Variants in STX1B observed in about 807,000 individuals in gnomAD.
STX1B encodes syntaxin 1B, also known as syntaxin-1B.
A neutral mutation model predicts 39.4 loss-of-function variants in STX1B; 7 were observed. That is an observed-to-expected ratio of 0.18 (90% CI 0.10 to 0.33). STX1B has a LOEUF of 0.33. Among genes scored for constraint, STX1B ranks in the 10% least tolerant of loss-of-function variants. STX1B has a pLI of 1.00. For missense variants in STX1B, 198 were observed against 383.2 expected, an observed-to-expected ratio of 0.52 and a Z score of 4.04; for synonymous variants, 136 against 144.1, an observed-to-expected ratio of 0.94 and a Z score of 0.40.
In STX1B at chr16:30,992,811, TGG is replaced by T. The variant is rs750392809; in HGVS notation, c.*8_*9del. 8.6e-7 allele frequency: 1 copy of T among 1,163,262 alleles called. No homozygotes were observed. The highest frequency in any genetic ancestry group is 1.1e-6 in the Non-Finnish European group (1 of 908,716). 72.1% of individuals were successfully genotyped at this position (1,163,262 alleles called of 1,614,324 possible). A position where few individuals can be genotyped will look rare whatever the true frequency, so the allele number is the denominator to read the frequency against. On this transcript the variant is annotated 3_prime_UTR_variant, in exon 10 of 10. Transcript: ENST00000215095. Reference sequence around the variant, plus strand: ...GGGAAGGGTCTGGGAGAGAGAAGGGTGGGGGGGGCCTACAAGCCCAGCGTCCC... The same window carrying T: ...GGGAAGGGTCTGGGAGAGAGAAGGGTGGGGGGCCTACAAGCCCAGCGTCCC...
At chr16:30,996,304 T>C (rs1200947961) in intron 7 of STX1B, 1 of 188,130 alleles carries the variant, frequency 5.3e-6, no homozygotes, top group East Asian at 1.4e-4. Flanking sequence ...GGCTCGAGAG[T>C]TCTGACTCTG....
At chr16:31,008,392 G>C (rs1305642747) in intron 1 of STX1B, among the ~76,000 whole-genome samples, 1 of 151,718 alleles carries the variant, frequency 6.6e-6, no homozygotes, top group African/African-American at 2.4e-5. Flanking sequence ...CATTCATGAG[G>C]CCTCCCCCTC....
chr16:30,993,391 G>T lies in STX1B; in HGVS notation c.631C>A (p.Leu211Met). 1 of 1,614,144 alleles carries T rather than the reference G, an allele frequency of 6.2e-7. No individual in the cohort carries two copies. Among genetic ancestry groups the T allele is most frequent in the East Asian group, 2.2e-5 (1 of 44,874 alleles). ...IIKLETSIRELHDMFVDMAML... is the reference protein window; with the variant it reads ...IIKLETSIREMHDMFVDMAML... The stretch of plus-strand genomic sequence containing the variant: ...GCCATGTCCACAAACATATCGTGCA[G>T]CTCGCGGATGCTGGTCTCCAGCTTG... Residue 211 changes from leucine (L) to methionine (M), a missense_variant, in exon 8 of 10, where the codon CTG becomes ATG. By Grantham distance (15) the Leu-to-Met change is conservative (BLOSUM62 2). Transcript: ENST00000215095.
chr16:30,997,539 T>G lies in STX1B; in HGVS notation c.317A>C (p.Asn106Thr), dbSNP rs750648693. 6.2e-7 allele frequency: 1 copy of G among 1,610,444 alleles called. No homozygotes were observed. Among genetic ancestry groups the G allele is most frequent in the Non-Finnish European group, 8.5e-7 (1 of 1,178,846 alleles). ...EQSIEQEEGL[N>T]RSSADLRIRK... ...GATGCGCAGGTCCGCGGAGGAACGG[T>G]TCAGCCCCTCCTCCTGTTCAATGCT... Residue 106 changes from asparagine (N) to threonine (T), a missense_variant, in exon 5 of 10, where the codon AAC becomes ACC. Coordinates refer to ENST00000215095, the MANE Select transcript of STX1B (RefSeq NM_052874.5).
chr16:31,006,207 G>C (rs562042124), intron 1 of STX1B, among the ~76,000 whole-genome samples: 1 of 152,054 alleles, frequency 6.6e-6, no homozygotes, highest in African/African-American at 2.4e-5. Context: ...TCGTTTGATC[G>C]GAGGCAGCAG....
intron 1 of STX1B, among the ~76,000 whole-genome samples, chr16:31,002,829 G>T (rs1465688105): frequency 6.6e-6 from 1 of 152,146 alleles, no homozygotes; most frequent in Non-Finnish European, 1.5e-5. Context: ...AAACCCCAGA[G>T]GCTGGGTGAA....
chr16:30,995,539 C>T (rs928873465), intron 7 of STX1B, among the ~76,000 whole-genome samples: 7 of 151,330 alleles, frequency 4.6e-5, no homozygotes, highest in African/African-American at 1.2e-4. Context: ...TTGCCCAGGC[C>T]GGAGTGCAGT....
intron 1 of STX1B, 141 bp downstream of exon 1, chr16:31,010,226 C>T (rs1273879159): frequency 3.7e-6 from 2 of 541,938 alleles, no homozygotes; most frequent in Non-Finnish European, 3.0e-6. Flanking sequence ...CATCAGGCGC[C>T]TGAAGATACT....
intron 1 of STX1B, among the ~76,000 whole-genome samples, chr16:31,005,536 G>A (rs2056650823): frequency 7.9e-6 from 1 of 126,944 alleles, no homozygotes; most frequent in African/African-American, 3.0e-5. Context: ...TCGAACTCCT[G>A]GGCTCAAGAG....
At chr16:30,994,833 G>A (rs1339732555) in intron 7 of STX1B, among the ~76,000 whole-genome samples, 1 of 146,158 alleles carries the variant, frequency 6.8e-6, no homozygotes. Context: ...CTCATCCTAT[G>A]ACCATTCTAT....
intron 4 of STX1B, among the ~76,000 whole-genome samples, chr16:30,999,534 G>C (rs1210857736): frequency 1.3e-5 from 2 of 152,202 alleles, no homozygotes; most frequent in Non-Finnish European, 2.9e-5. Context: ...ACGGTGCTTT[G>C]GGGGAAGGTG....
Position 30,992,076 on chromosome 16 carries a change from T to TC in STX1B, c.*744dup, listed in dbSNP as rs879563314. 1.4e-5 allele frequency: 2 copies of TC among 140,616 alleles called. No individual in the cohort carries two copies. The highest frequency in any genetic ancestry group is 3.1e-5 in the Non-Finnish European group (2 of 64,254). 8.7% of individuals were successfully genotyped at this position (140,616 alleles called of 1,614,324 possible). On this transcript the variant is annotated 3_prime_UTR_variant, in exon 10 of 10. Transcript: ENST00000215095. ...CTATCTGAGAAGACCTATCAATACTTCAGGCACATCCTGGACACACACACA... is the reference window on the plus strand; with the variant it reads ...CTATCTGAGAAGACCTATCAATACTTCCAGGCACATCCTGGACACACACACA...
At chr16:31,004,712 C>T (rs2056647329) in intron 1 of STX1B, among the ~76,000 whole-genome samples, 1 of 151,798 alleles carries the variant, frequency 6.6e-6, no homozygotes, top group South Asian at 2.1e-4. Context: ...CCCAGGTCAG[C>T]TGTTAGAAGA....
intron 6 of STX1B, 65 bp downstream of exon 6, chr16:30,996,886 A>C: frequency 1.9e-6 from 3 of 1,557,918 alleles, no homozygotes; most frequent in Non-Finnish European, 2.6e-6. Flanking sequence ...CAGAGAGGAA[A>C]TGCCTGGAAG....
Position 31,001,030 on chromosome 16 carries a change from T to C in STX1B, c.206-28A>G, listed in dbSNP as rs1341077647. ...GAGGGGAGGGCGAGGGCAAGTGAGA[T>C]GTCTGGGTGGGAACCCCAGGCCCCT... On this transcript the variant is annotated intron_variant, in intron 3 of 9. Transcript: ENST00000215095. The surrounding 1 kb of genome is among the most constrained non-coding windows in gnomAD (Gnocchi z 5.5). The C allele has an allele frequency of 3.1e-6, 5 of 1,614,014 alleles. No individual in the cohort carries two copies. The highest frequency in any genetic ancestry group is 3.3e-5 in the Admixed American group (2 of 60,002).
In STX1B at chr16:30,990,551, T is replaced by A. The variant is rs1378379908; in HGVS notation, c.*2270A>T. 6.6e-6 allele frequency: 1 copy of A among 151,870 alleles called. No homozygotes were observed. 9.4% of individuals were successfully genotyped at this position (151,870 alleles called of 1,614,324 possible). A position where few individuals can be genotyped will look rare whatever the true frequency, so the allele number is the denominator to read the frequency against. ...AATGCACACACAATGTACACACACATACAATGCACACACACGTACGCTTCA... is the reference window on the plus strand; with the variant it reads ...AATGCACACACAATGTACACACACAAACAATGCACACACACGTACGCTTCA... On this transcript the variant is annotated 3_prime_UTR_variant, in exon 10 of 10. Transcript: ENST00000215095.
intron 9 of STX1B, 52 bp from the exon 10 acceptor site, chr16:30,992,953 C>A: frequency 6.7e-7 from 1 of 1,495,802 alleles, no homozygotes. Context: ...GATCGACACA[C>A]GGACAGATGC....
chr16:30,998,710 G>C (rs918923835), intron 4 of STX1B, among the ~76,000 whole-genome samples: 2 of 152,214 alleles, frequency 1.3e-5, no homozygotes, highest in Admixed American at 1.3e-4. Flanking sequence ...CTTTCCTGGA[G>C]GTCTGAAAGG....
intron 7 of STX1B, among the ~76,000 whole-genome samples, chr16:30,995,247 G>C (rs2056586172): frequency 6.6e-6 from 1 of 152,050 alleles, no homozygotes; most frequent in Non-Finnish European, 1.5e-5. Context: ...CAAAATGCTG[G>C]GATTACAGAT....
Sources: gnomAD v4.1 joint callset for allele counts (sites outside exome capture counted in the v4.1 genomes callset) on GRCh38, gnomAD v4.1.1 for gene constraint, Gnocchi (gnomAD v3.1) non-coding constraint, MANE v1.5 for transcripts, NCBI Gene and HGNC (gene_info 2026-07-23, HGNC 2026-07-21) for gene names.